Variants in IL12RB2 observed in about 807,000 individuals in gnomAD.
IL12RB2 encodes the protein interleukin-12 receptor subunit beta-2.
A neutral mutation model predicts 89.4 loss-of-function variants in IL12RB2; 82 were observed. The observed-to-expected ratio is 0.92, with a 90% confidence interval of 0.77 to 1.10. The LOEUF is 1.10. Ranked by LOEUF, IL12RB2 falls within the 50% of genes least tolerant of loss-of-function variation. The pLI is 0.00. For missense variants in IL12RB2, 963 were observed against 1,031.9 expected (o/e 0.93, Z 0.92); for synonymous variants, 368 against 370.1 (o/e 0.99, Z 0.07).
chr1:67,315,091 C>A (rs960433849), intron 2 of IL12RB2, among the ~76,000 whole-genome samples: 1 of 152,004 alleles, frequency 6.6e-6, no homozygotes, highest in African/African-American at 2.4e-5. Context: ...CTATTTTTAC[C>A]TGGTAGTCAG....
At chr1:67,341,529 GAGAAAGAAAGAAAGAA>G (rs200463047) in intron 9 of IL12RB2, among the ~76,000 whole-genome samples, 18 of 110,594 alleles carry the variant, frequency 1.6e-4, no homozygotes, top group African/African-American at 5.8e-4. Flanking sequence ...AAAAAAGAAA[GAGAAAGAAAGAAAGAA>G]AGAAAGAAAG....
intron 9 of IL12RB2, among the ~76,000 whole-genome samples, chr1:67,349,401 AT>A (rs1354486452): frequency 6.6e-6 from 1 of 152,176 alleles, no homozygotes; most frequent in Non-Finnish European, 1.5e-5. Context: ...AGCTGAGGGG[AT>A]GGTCTTCCCT....
rs200381625 is a variant in IL12RB2 at position 67,320,456 on chromosome 1, C to T, written c.76+12C>T. 7.6e-4 allele frequency: 1,231 copies of T among 1,613,356 alleles called. 1 individual carries two copies. Among genetic ancestry groups the T allele is most frequent in the Non-Finnish European group, 9.8e-4 (1,162 of 1,179,760 alleles). ...TAAAGCAAAAATAGGTAAGATATTT[C>T]TGTAAGTTACTCTGTGGAAGAATTT... On this transcript the variant is annotated intron_variant, in intron 3 of 16. Coordinates refer to ENST00000674203, the MANE Select transcript of IL12RB2 (RefSeq NM_001374259.2).
chr1:67,316,323 C>T (rs1382256520), intron 2 of IL12RB2, among the ~76,000 whole-genome samples: 7 of 151,984 alleles, frequency 4.6e-5, no homozygotes, highest in African/African-American at 1.7e-4. Flanking sequence ...CTTTCCATTG[C>T]CACTACAACA....
In IL12RB2 at chr1:67,321,856, A is replaced by G; in HGVS notation, c.331A>G (p.Ile111Val). The change falls in exon 4 of 17, where the codon ATT (isoleucine) becomes GTT (valine). Residue 111 changes from isoleucine (I) to valine (V), a missense_variant. Ile to Val is a conservative substitution (Grantham distance 29). Coordinates refer to ENST00000674203, the MANE Select transcript of IL12RB2 (RefSeq NM_001374259.2). ...CKLACINSDE[I>V]QICGAEIFVG... The stretch of plus-strand genomic sequence containing the variant: ...ACTGGCCTGTATCAATAGTGATGAA[A>G]TTCAAATATGTGGAGCAGAGATCTT... The G allele has an allele frequency of 6.2e-7, 1 of 1,614,112 alleles. No individual in the cohort carries two copies. Among genetic ancestry groups the G allele is most frequent in the Non-Finnish European group, 8.5e-7 (1 of 1,179,942 alleles).
chr1:67,343,160 T>C (rs1659840461), intron 9 of IL12RB2, among the ~76,000 whole-genome samples: 1 of 109,214 alleles, frequency 9.2e-6, no homozygotes, highest in Admixed American at 9.9e-5. Context: ...CAATCTCAGC[T>C]CACTGCAGCC....
chr1:67,388,719 T>C (rs903389111), intron 15 of IL12RB2, among the ~76,000 whole-genome samples: 1 of 152,208 alleles, frequency 6.6e-6, no homozygotes, highest in African/African-American at 2.4e-5. Flanking sequence ...TTTAATTATA[T>C]TTTTAGAATT....
intron 16 of IL12RB2, among the ~76,000 whole-genome samples, chr1:67,391,356 AGTGTGTGTGTGTGT>A (rs148773328): frequency 1.4e-5 from 2 of 140,558 alleles, no homozygotes; most frequent in Non-Finnish European, 3.1e-5. Flanking sequence ...TAATAACAGC[AGTGTGTGTGTGTGT>A]GTGTGTGTGT....
At chr1:67,363,285 T>TGGCTCACCATTGGA (rs1553123539) in intron 10 of IL12RB2, among the ~76,000 whole-genome samples, 1 of 140,648 alleles carries the variant, frequency 7.1e-6, no homozygotes, top group Non-Finnish European at 1.5e-5. Context: ...GGCGTGATCT[T>TGGCTCACCATTGGA]GGCTCACCAC....
At chr1:67,381,101 G>C (rs1245326751) in intron 14 of IL12RB2, among the ~76,000 whole-genome samples, 2 of 152,214 alleles carry the variant, frequency 1.3e-5, no homozygotes, top group South Asian at 2.1e-4. Flanking sequence ...AATATGAAAT[G>C]AATTTAAAAA....
At chr1:67,388,372 G>T (rs578085301) in intron 15 of IL12RB2, among the ~76,000 whole-genome samples, 1 of 152,286 alleles carries the variant, frequency 6.6e-6, no homozygotes, top group East Asian at 1.9e-4. Flanking sequence ...TTGAGACAGA[G>T]TCTCACTCTG....
At chr1:67,324,891 A>G (rs1277581455) in intron 4 of IL12RB2, among the ~76,000 whole-genome samples, 1 of 152,252 alleles carries the variant, frequency 6.6e-6, no homozygotes, top group Non-Finnish European at 1.5e-5. Context: ...ATGTTGAGAA[A>G]GACTCTGATG....
chr1:67,350,912 C>T lies in IL12RB2; in HGVS notation c.1081C>T (p.Gln361Ter). 6.2e-7 allele frequency: 1 copy of T among 1,614,096 alleles called. No homozygotes were observed. The highest frequency in any genetic ancestry group is 8.5e-7 in the Non-Finnish European group (1 of 1,179,984). The change falls in exon 10 of 17, where the codon CAG becomes TAG. Residue 361 changes from glutamine (Q) to a stop codon, truncating the protein, a stop_gained. Transcript: ENST00000674203. LOFTEE classifies it high-confidence loss of function. Reference protein sequence around the residue: ...SEARGKILHYQVTLQELTGGK... With the variant: ...SEARGKILHY ...GGCAAGAGGAAAAATTCTCCACTAT[C>T]AGGTGACCTTGCAGGAGCTGACAGG...
chr1:67,369,806 G>C (rs1299603369), intron 11 of IL12RB2, among the ~76,000 whole-genome samples: 1 of 152,064 alleles, frequency 6.6e-6, no homozygotes, highest in African/African-American at 2.4e-5. Flanking sequence ...TTGGGAGGCG[G>C]AGGTCAGGAG....
chr1:67,313,293 G>A (rs1337798587), intron 1 of IL12RB2, among the ~76,000 whole-genome samples: 2 of 152,162 alleles, frequency 1.3e-5, no homozygotes, highest in African/African-American at 4.8e-5. Flanking sequence ...GGCCTCAGAA[G>A]TAATGAGTCA....
chr1:67,390,217 T>C, intron 16 of IL12RB2, 89 bp downstream of exon 16: 2 of 775,916 alleles, frequency 2.6e-6, no homozygotes, highest in Middle Eastern at 2.3e-4. Flanking sequence ...GAAGCCTGGG[T>C]GCTGAGATCC....
chr1:67,367,887 T>TG lies in IL12RB2; in HGVS notation c.1323dup (p.Gln442AlafsTer25), dbSNP rs1662883678. On this transcript the variant is annotated frameshift_variant, in exon 11 of 17. Coordinates refer to ENST00000674203, the MANE Select transcript of IL12RB2 (RefSeq NM_001374259.2). LOFTEE classifies it high-confidence loss of function. ...GGGCATGGACAACATTCTGGTGACT[T>TG]GGCAGCCTCCCAGGAAAGATCCCTC... 1 of 1,610,158 alleles carries TG rather than the reference T, an allele frequency of 6.2e-7. No individual in the cohort carries two copies.
chr1:67,372,581 TG>T, intron 12 of IL12RB2, 43 bp from the exon 13 acceptor site: 1 of 1,610,532 alleles, frequency 6.2e-7, no homozygotes, highest in Non-Finnish European at 8.5e-7. Context: ...TTTAATGATT[TG>T]GATTTGGAGG....
chr1:67,373,255 C>A (rs1292729348), intron 13 of IL12RB2, among the ~76,000 whole-genome samples: 1 of 152,140 alleles, frequency 6.6e-6, no homozygotes, highest in African/African-American at 2.4e-5. Context: ...ACTACAGGTG[C>A]ATGCCACCAT....
Sources: allele counts gnomAD v4.1 joint callset (sites outside exome capture counted in the v4.1 genomes callset), GRCh38; gene constraint gnomAD v4.1.1; transcripts MANE v1.5; gene names NCBI Gene and HGNC (gene_info 2026-07-23, HGNC 2026-07-21).